DOC2A: variants seen among roughly 807,000 people sequenced by gnomAD.
DOC2A encodes the protein double C2 domain alpha, also known as double C2-like domain-containing protein alpha.
DOC2A carries 28 observed loss-of-function variants against 40.6 expected under a neutral mutation model. The observed-to-expected ratio is 0.69, with a 90% CI of 0.51 to 0.95. DOC2A has a LOEUF of 0.95. Ranked by LOEUF, DOC2A falls within the 40% of genes least tolerant of loss-of-function variation. DOC2A has a pLI of 0.00. For missense variants in DOC2A, 474 were observed against 552.5 expected (o/e 0.86, Z 1.42); for synonymous variants, 241 against 236.9 (o/e 1.02, Z -0.16).
chr16:30,006,777 G>T lies in DOC2A; in HGVS notation c.878+8C>A, dbSNP rs547189537. 6.2e-7 allele frequency: 1 copy of T among 1,613,836 alleles called. No homozygotes were observed. The highest frequency in any genetic ancestry group is 2.2e-5 in the East Asian group (1 of 44,840). On this transcript the variant is annotated splice_region_variant and intron_variant, in intron 8 of 10. Coordinates refer to ENST00000350119, the MANE Select transcript of DOC2A (RefSeq NM_003586.3). This position sits in a 1 kb window ranked among gnomAD's most constrained non-coding sequence, Gnocchi z 6.2. ...CCTGGGGAGGAGAGGGTCAGAGCAA[G>T]GGCTCACGTCTTGACGTAGGGGTCC...
upstream of DOC2A, among the ~76,000 whole-genome samples, chr16:30,012,946 G>A (rs932341522): frequency 5.9e-5 from 9 of 151,742 alleles, no homozygotes; most frequent in African/African-American, 1.2e-4. Flanking sequence ...AGCTGAGATC[G>A]TGCCACTGCA....
chr16:30,010,099 G>C lies in DOC2A; in HGVS notation c.124C>G (p.Pro42Ala). 2 of 1,613,134 alleles carry C rather than the reference G, an allele frequency of 1.2e-6. No individual in the cohort carries two copies. The highest frequency in any genetic ancestry group is 4.5e-5 in the East Asian group (2 of 44,866). Residue 42 changes from proline to alanine, a missense_variant, in exon 2 of 11, where the codon CCT (proline) becomes GCT (alanine). By Grantham distance (27) the Pro-to-Ala change is conservative (BLOSUM62 -1). Transcript: ENST00000350119. The surrounding 1 kb of genome is among the most constrained non-coding windows in gnomAD (Gnocchi z 4.2). Reference protein sequence around the residue: ...ISDYFPRGPGPEGGGGGGGEA... With the variant: ...ISDYFPRGPGAEGGGGGGGEA... ...CCGCCGCCCCCGCCGCCCCCTTCAG[G>C]TCCTGGTCCCCGGGGGAAGTAGTCA... is the stretch of plus-strand genomic sequence containing the variant.
In DOC2A at chr16:30,010,966, C is replaced by A; in HGVS notation, c.-77G>T. 3.0e-6 allele frequency: 3 copies of A among 1,009,854 alleles called. No individual in the cohort carries two copies. The highest frequency in any genetic ancestry group is 3.6e-6 in the Non-Finnish European group (3 of 844,996). The allele number at this position is 1,009,854 out of a possible 1,614,324, so 62.6% of individuals were successfully genotyped here. On this transcript the variant is annotated 5_prime_UTR_variant, in exon 1 of 11. Transcript: ENST00000350119. The surrounding 1 kb of genome is among the most constrained non-coding windows in gnomAD (Gnocchi z 4.2). ...CGGGCGCAGGCTGGGCGGCGGCGGC[C>A]GGCGAGGAGAGCGCGGAGTCGAGCT...
At position 30,010,349 on chromosome 16, in the gene DOC2A, C is replaced by T. The variant is rs1235258498; in HGVS notation, c.-13-114G>A. ...CTCACTGGCCTCCCTTCCTAGGTGT[C>T]GAGGGAGAGGGTGGTGTGTGCCAGC... On this transcript the variant is annotated intron_variant, in intron 1 of 10. Transcript: ENST00000350119. The surrounding 1 kb of genome is among the most constrained non-coding windows in gnomAD (Gnocchi z 4.2). The T allele has an allele frequency of 5.6e-6, 8 of 1,435,036 alleles. No homozygotes were observed. The highest frequency in any genetic ancestry group is 4.6e-5 in the South Asian group (4 of 86,536). 88.9% of individuals were successfully genotyped at this position (1,435,036 alleles called of 1,614,324 possible). A position where few individuals can be genotyped will look rare whatever the true frequency, so the allele number is the denominator to read the frequency against.
upstream of DOC2A, among the ~76,000 whole-genome samples, chr16:30,015,698 TTTC>T (rs2070847312): frequency 4.5e-5 from 6 of 132,270 alleles, no homozygotes; most frequent in South Asian, 1.6e-3. Context: ...TTCCTTCCTT[TTTC>T]TTTTTTTTTT....
At chr16:30,011,789 T>G (rs1157539551), upstream of DOC2A, 1 of 152,314 alleles carries the variant, frequency 6.6e-6, no homozygotes, top group Non-Finnish European at 1.5e-5. Context: ...TCTCTCCTTG[T>G]GGCCCAACCC....
At chr16:30,021,941 A>C (rs549846578), upstream of DOC2A, among the ~76,000 whole-genome samples, 1 of 151,822 alleles carries the variant, frequency 6.6e-6, no homozygotes, top group African/African-American at 2.4e-5. Context: ...TCCCGTGTAT[A>C]AGGGAGGCAA....
Position 30,006,952 on chromosome 16 carries a change from CG to C in DOC2A, c.715-5del, listed in dbSNP as rs1302396534. 3.8e-5 allele frequency: 62 copies of C among 1,613,344 alleles called. No homozygotes were observed. Among genetic ancestry groups the C allele is most frequent in the Non-Finnish European group, 5.2e-5 (61 of 1,179,694 alleles). On this transcript the variant is annotated splice_polypyrimidine_tract_variant and splice_region_variant and intron_variant, in intron 7 of 10. Coordinates refer to ENST00000350119, the MANE Select transcript of DOC2A (RefSeq NM_003586.3). The surrounding 1 kb of genome is among the most constrained non-coding windows in gnomAD (Gnocchi z 6.2). ...GCCCCTGCTCCGCCTGCTCCAACTG[CG>C]GGGCACAGACTCAGGGTCAGCCTGG...
intron 1 of DOC2A, chr16:30,018,532 G>A (rs1324552032): frequency 6.6e-6 from 1 of 152,140 alleles, no homozygotes; most frequent in African/African-American, 2.4e-5. Flanking sequence ...TAAGGAAGCA[G>A]GATGATTCCT....
chr16:30,012,020 A>G (rs1308252196), upstream of DOC2A, among the ~76,000 whole-genome samples: 3 of 151,952 alleles, frequency 2.0e-5, no homozygotes, highest in Admixed American at 1.3e-4. Context: ...CCTGCCACGG[A>G]GTGTCAGTCC....
upstream of DOC2A, among the ~76,000 whole-genome samples, chr16:30,016,039 ATATATATATATATATATTTT>A (rs1321634377): frequency 5.8e-4 from 32 of 55,440 alleles, no homozygotes; most frequent in Middle Eastern, 9.4e-3. Flanking sequence ...ATATATATAT[ATATATATATATATATATTTT>A]TTTTTTTTTT....
At chr16:30,007,734 A>G in intron 5 of DOC2A, 1 of 263,776 alleles carries the variant, frequency 3.8e-6, no homozygotes, top group Non-Finnish European at 7.5e-6. Flanking sequence ...GCAGGGACTC[A>G]CTAAGAAATG....
upstream of DOC2A, among the ~76,000 whole-genome samples, chr16:30,013,077 G>T (rs894433887): frequency 1.3e-5 from 2 of 150,554 alleles, no homozygotes; most frequent in Non-Finnish European, 3.0e-5. Context: ...TGTCTGGGCT[G>T]GGGGGAAGCT....
upstream of DOC2A, chr16:30,011,162 G>GCGCGCACACACACGTGTGCT: frequency 1.5e-6 from 1 of 650,458 alleles, no homozygotes; most frequent in Non-Finnish European, 1.9e-6. Flanking sequence ...GCGCACGCGA[G>GCGCGCACACACACGTGTGCT]CGCGCACACA....
At position 30,007,160 on chromosome 16, in the gene DOC2A, C is replaced by G. The variant is rs774373553; in HGVS notation, c.654+13G>C. 3 of 1,613,840 alleles carry G rather than the reference C, an allele frequency of 1.9e-6. No homozygotes were observed. The African/African-American group carries it at 4.0e-5, about 22-fold the overall frequency. ...GCCCCCTCCCCTGGCGCCCCTGCAG[C>G]CCCCACACAGACCGGGACCTGGCGC... On this transcript the variant is annotated intron_variant, in intron 6 of 10. Coordinates refer to ENST00000350119, the MANE Select transcript of DOC2A (RefSeq NM_003586.3).
In DOC2A at chr16:30,009,843, C is replaced by G. The variant is rs562756715; in HGVS notation, c.262+118G>C. ...GTGGTGGCCGTCCCTGCCACCCCCC[C>G]ACTGCCCTCCTCCCCTACCTACATG... On this transcript the variant is annotated intron_variant, in intron 2 of 10. Transcript: ENST00000350119. The surrounding 1 kb of genome is among the most constrained non-coding windows in gnomAD (Gnocchi z 4.1). 4.3e-6 allele frequency: 5 copies of G among 1,162,548 alleles called. No individual in the cohort carries two copies. Among genetic ancestry groups the G allele is most frequent in the African/African-American group, 3.0e-5 (2 of 65,752 alleles). The allele number at this position is 1,162,548 out of a possible 1,614,324, so 72.0% of individuals were successfully genotyped here.
chr16:30,009,640 G>GTC lies in DOC2A; in HGVS notation c.263-85_263-84dup, dbSNP rs997157635. ...CAGCAGGTGGGCACTGGCTCTGTGT[G>GTC]TCTCTCTCTCTTGCCAGCCCGCGAG... On this transcript the variant is annotated intron_variant, in intron 2 of 10. Coordinates refer to ENST00000350119, the MANE Select transcript of DOC2A (RefSeq NM_003586.3). The surrounding 1 kb of genome is among the most constrained non-coding windows in gnomAD (Gnocchi z 4.1). The GTC allele has an allele frequency of 7.1e-6, 9 of 1,261,094 alleles. No homozygotes were observed. Among genetic ancestry groups the GTC allele is most frequent in the South Asian group, 1.3e-5 (1 of 78,274 alleles). The allele number at this position is 1,261,094 out of a possible 1,614,324, so 78.1% of individuals were successfully genotyped here. A position where few individuals can be genotyped will look rare whatever the true frequency, so the allele number is the denominator to read the frequency against.
chr16:30,007,123 G>A lies in DOC2A; in HGVS notation c.655-33C>T, dbSNP rs577757695. On this transcript the variant is annotated intron_variant, in intron 6 of 10. Coordinates refer to ENST00000350119, the MANE Select transcript of DOC2A (RefSeq NM_003586.3). ...GGCAAAGAGAAGGTTCTGGAAGCCTGGCCTCCCCAGGGCCCCCTCCCCTGG... is the reference window on the plus strand; with the variant it reads ...GGCAAAGAGAAGGTTCTGGAAGCCTAGCCTCCCCAGGGCCCCCTCCCCTGG... The A allele has an allele frequency of 8.1e-6, 13 of 1,613,666 alleles. No homozygotes were observed. In the Admixed American group the frequency reaches 1.7e-4, roughly 21 times the overall value.
chr16:30,017,019 A>G (rs548527073), upstream of DOC2A, among the ~76,000 whole-genome samples: 2 of 152,322 alleles, frequency 1.3e-5, no homozygotes, highest in Admixed American at 1.3e-4. Context: ...AGTGTATTCT[A>G]GGCAGAGGTG....
Sources: allele counts gnomAD v4.1 joint callset (sites outside exome capture counted in the v4.1 genomes callset), GRCh38; gene constraint gnomAD v4.1.1; non-coding constraint Gnocchi (gnomAD v3.1); transcripts MANE v1.5; gene names NCBI Gene and HGNC (gene_info 2026-07-23, HGNC 2026-07-21).